MYO1D: variants seen among roughly 807,000 people sequenced by gnomAD.
MYO1D encodes the protein myosin ID, also known as unconventional myosin-Id.
In MYO1D, 83 loss-of-function variants were observed where a neutral mutation model predicts 122.0. The observed-to-expected ratio is 0.68, with a 90% CI of 0.57 to 0.82. MYO1D has a LOEUF of 0.82. Among genes scored for constraint, MYO1D ranks in the 40% least tolerant of loss-of-function variants. MYO1D has a pLI of 0.00. For synonymous variants in MYO1D, 464 were observed against 446.9 expected (o/e 1.04, Z -0.48); for missense variants, 1,157 against 1,269.5 (o/e 0.91, Z 1.35).
intron 1 of MYO1D, among the ~76,000 whole-genome samples, chr17:32,804,283 T>C (rs1298861829): frequency 1.3e-5 from 2 of 152,182 alleles, no homozygotes; most frequent in Non-Finnish European, 2.9e-5. Context: ...CAGATGTAGA[T>C]TTCCAAATAC....
intron 20 of MYO1D, among the ~76,000 whole-genome samples, chr17:32,625,713 T>C (rs1022677961): frequency 1.3e-5 from 2 of 152,162 alleles, no homozygotes; most frequent in Non-Finnish European, 2.9e-5. Flanking sequence ...GTATTTTTTG[T>C]AGAGATGGGG....
chr17:32,772,286 A>G (rs1218723390), intron 5 of MYO1D, among the ~76,000 whole-genome samples: 1 of 152,192 alleles, frequency 6.6e-6, no homozygotes, highest in East Asian at 1.9e-4. Flanking sequence ...ATTTTTTTCT[A>G]AACTTGATGG....
intron 1 of MYO1D, among the ~76,000 whole-genome samples, chr17:32,869,964 A>G (rs1428165905): frequency 6.6e-6 from 1 of 152,166 alleles, no homozygotes; most frequent in East Asian, 1.9e-4. Context: ...AGATCCCATC[A>G]GAACCTGCAA....
At chr17:32,683,177 CT>C (rs1215981000) in intron 16 of MYO1D, among the ~76,000 whole-genome samples, 16 of 147,502 alleles carry the variant, frequency 1.1e-4, no homozygotes, top group Non-Finnish European at 2.4e-4. Flanking sequence ...TTTTCAACTT[CT>C]TTGCCTTTGG....
intron 15 of MYO1D, among the ~76,000 whole-genome samples, chr17:32,715,059 A>C (rs774688334): frequency 6.6e-6 from 1 of 152,252 alleles, no homozygotes; most frequent in East Asian, 1.9e-4. Flanking sequence ...ACATATGAAA[A>C]ATAGCTCAAC....
intron 1 of MYO1D, among the ~76,000 whole-genome samples, chr17:32,842,852 G>A (rs1483241238): frequency 1.4e-5 from 2 of 147,552 alleles, no homozygotes; most frequent in East Asian, 2.0e-4. Context: ...ACTCAACACA[G>A]TTATACTGTC....
In MYO1D at chr17:32,506,145, G is replaced by A. The variant is rs181015210; in HGVS notation, c.2865-11230C>T. Among the ~76,000 whole-genome samples the A allele has an allele frequency of 1.2e-4, 18 of 152,364 alleles. 1 individual carries two copies. Among genetic ancestry groups the A allele is most frequent in the African/African-American group, 3.1e-4 (13 of 41,574 alleles). On this transcript the variant is annotated intron_variant, in intron 21 of 21. Transcript: ENST00000318217. ...TGGCTGTCTTGTAAAGAATTGCTGCGAGACACCTCATTAGGAAAGAGACTG... is the reference window on the plus strand; with the variant it reads ...TGGCTGTCTTGTAAAGAATTGCTGCAAGACACCTCATTAGGAAAGAGACTG...
At chr17:32,776,889 A>T (rs2090176960) in intron 3 of MYO1D, among the ~76,000 whole-genome samples, 1 of 152,202 alleles carries the variant, frequency 6.6e-6, no homozygotes, top group Non-Finnish European at 1.5e-5. Context: ...AATTCTTCTT[A>T]TACAGGCATA....
chr17:32,693,629 C>G (rs2089133813), intron 16 of MYO1D, among the ~76,000 whole-genome samples: 1 of 152,122 alleles, frequency 6.6e-6, no homozygotes. Context: ...CACTGATGCG[C>G]CAAATTGGTT....
intron 21 of MYO1D, among the ~76,000 whole-genome samples, chr17:32,540,926 A>T (rs1455610106): frequency 9.1e-6 from 1 of 110,384 alleles, no homozygotes; most frequent in Non-Finnish European, 2.1e-5. Flanking sequence ...TTCGTCTCAA[A>T]AAAAAAAAAA....
rs141044297 is a variant in MYO1D at position 32,788,895 on chromosome 17, T to C, written c.96-8111A>G. Among the ~76,000 whole-genome samples, 441 of 152,354 alleles carry C rather than the reference T, an allele frequency of 2.9e-3. 2 individuals carry two copies. The highest frequency in any genetic ancestry group is 5.1e-3 in the Non-Finnish European group (344 of 68,048). On this transcript the variant is annotated intron_variant, in intron 1 of 21. Transcript: ENST00000318217. ...TTCCCATTCATAAGCATGGGATATGTTTCCATTTGTTTGTGCCATCTAATA... is the reference window on the plus strand; with the variant it reads ...TTCCCATTCATAAGCATGGGATATGCTTCCATTTGTTTGTGCCATCTAATA...
intron 10 of MYO1D, among the ~76,000 whole-genome samples, chr17:32,758,552 T>C (rs922058203): frequency 6.6e-6 from 1 of 152,170 alleles, no homozygotes; most frequent in Non-Finnish European, 1.5e-5. Flanking sequence ...TAATGTGATA[T>C]CTGAAATTTG....
At chr17:32,588,477 C>CA (rs1242020171) in intron 21 of MYO1D, among the ~76,000 whole-genome samples, 2 of 152,126 alleles carry the variant, frequency 1.3e-5, no homozygotes, top group Middle Eastern at 3.2e-3. Flanking sequence ...AAGACTAAAC[C>CA]AACCCAAGAG....
intron 21 of MYO1D, among the ~76,000 whole-genome samples, chr17:32,508,752 C>T (rs2519866): frequency 0.66 from 100,066 of 152,100 alleles, 33,174 homozygotes; most frequent in Admixed American, 0.7. Context: ...CCTGCCTGCC[C>T]GAAGTGATAG....
intron 1 of MYO1D, among the ~76,000 whole-genome samples, chr17:32,781,613 GA>G (rs1335766505): frequency 6.6e-6 from 1 of 150,500 alleles, no homozygotes; most frequent in Non-Finnish European, 1.5e-5. Context: ...ACATAAGTGT[GA>G]AAAAATATAG....
chr17:32,620,963 A>C (rs1036809258), intron 20 of MYO1D, among the ~76,000 whole-genome samples: 1 of 152,208 alleles, frequency 6.6e-6, no homozygotes, highest in African/African-American at 2.4e-5. Flanking sequence ...TAGAGTTTGC[A>C]TTTTATTCAG....
chr17:32,844,374 T>TA, intron 1 of MYO1D, among the ~76,000 whole-genome samples: 2 of 146,828 alleles, frequency 1.4e-5, no homozygotes, highest in Non-Finnish European at 1.5e-5. Flanking sequence ...ATATATAGTA[T>TA]ATATGTGTAT....
At chr17:32,591,622 C>T (rs1438069593) in intron 21 of MYO1D, among the ~76,000 whole-genome samples, 2 of 151,786 alleles carry the variant, frequency 1.3e-5, no homozygotes, top group Non-Finnish European at 2.9e-5. Flanking sequence ...TTCTTTTGCA[C>T]TTGTCAGCAA....
intron 21 of MYO1D, among the ~76,000 whole-genome samples, chr17:32,565,501 C>G (rs2087164487): frequency 6.6e-6 from 1 of 152,178 alleles, no homozygotes; most frequent in Non-Finnish European, 1.5e-5. Context: ...CAGCCCTTAG[C>G]CCTCGATCAT....
Sources: gnomAD v4.1 joint callset for allele counts (sites outside exome capture counted in the v4.1 genomes callset) on GRCh38, gnomAD v4.1.1 for gene constraint, MANE v1.5 for transcripts, NCBI Gene and HGNC (gene_info 2026-07-23, HGNC 2026-07-21) for gene names.